Variants in CCDC66 observed in about 807,000 individuals in gnomAD.
CCDC66 encodes coiled-coil domain containing 66, also known as coiled-coil domain-containing protein 66.
Under a neutral mutation model 128.3 loss-of-function variants are expected in CCDC66, and 133 were observed. The observed-to-expected ratio is 1.04, with a 90% CI of 0.90 to 1.20. The LOEUF is 1.20. Ranked by LOEUF, CCDC66 falls within the 50% of genes most tolerant of loss-of-function variation. The pLI is 0.00. For missense variants in CCDC66, 1,126 were observed against 1,075.5 expected (o/e 1.05, Z -0.66); for synonymous variants, 387 against 357.0 (o/e 1.08, Z -0.95).
chr3:56,558,602 G>A (rs2064688336), intron 1 of CCDC66: 1 of 454,200 alleles, frequency 2.2e-6, no homozygotes, highest in Admixed American at 3.9e-5. Context: ...ATAACAAAAT[G>A]AGATTTCAGG....
chr3:56,586,050 C>T (rs2069647731), intron 7 of CCDC66, among the ~76,000 whole-genome samples: 1 of 151,816 alleles, frequency 6.6e-6, no homozygotes, highest in Admixed American at 6.6e-5. Flanking sequence ...ACACAAAAAG[C>T]AGAATGGTGG....
Position 56,557,214 on chromosome 3 carries a change from G to A in CCDC66, c.-29G>A. On this transcript the variant is annotated 5_prime_UTR_variant, in exon 1 of 18. Coordinates refer to ENST00000394672, the MANE Select transcript of CCDC66 (RefSeq NM_001141947.3). ...ACCGACGTACACAAGGGGCTTGAGC[G>A]TTCTGTGGAGAGAGTGCGAGGTCAG... is the stretch of plus-strand genomic sequence containing the variant. The A allele has an allele frequency of 6.4e-7, 1 of 1,551,264 alleles. No homozygotes were observed. The highest frequency in any genetic ancestry group is 8.7e-7 in the Non-Finnish European group (1 of 1,146,974).
intron 15 of CCDC66, 103 bp downstream of exon 15, chr3:56,618,315 CA>C (rs752530949): frequency 9.6e-7 from 1 of 1,042,566 alleles, no homozygotes; most frequent in Non-Finnish European, 1.5e-6. Context: ...ATGTAGAGAA[CA>C]ATCAGAAAGG....
chr3:56,620,526 A>AAAG (rs1478743316), intron 17 of CCDC66: 5 of 152,312 alleles, frequency 3.3e-5, no homozygotes, highest in African/African-American at 1.2e-4. Context: ...GCTGTGTTTA[A>AAAG]AAGTGCCCTT....
rs532567319 is a variant in CCDC66 at position 56,583,696 on chromosome 3, T to A, written c.937-9274T>A. Among the ~76,000 whole-genome samples, 4 of 152,040 alleles carry A rather than the reference T, an allele frequency of 2.6e-5. No homozygotes were observed. The South Asian group carries it at 6.2e-4, about 24-fold the overall frequency. ...CAAAATGGAGTCTCCTATGTCTACT[T>A]CTTTCTACACAGACACAGCAACAAT... On this transcript the variant is annotated intron_variant, in intron 7 of 17. Coordinates refer to ENST00000394672, the MANE Select transcript of CCDC66 (RefSeq NM_001141947.3).
chr3:56,617,254 A>T lies in CCDC66; in HGVS notation c.1986A>T (p.Leu662=). 1 of 1,614,090 alleles carries T rather than the reference A, an allele frequency of 6.2e-7. No homozygotes were observed. Among genetic ancestry groups the T allele is most frequent in the Non-Finnish European group, 8.5e-7 (1 of 1,179,994 alleles). ...GCACCAAGAAAAACAAGCAAGAACT[A>T]ACTCAGGATAAAGGAGCCAGCTTAG... ...QFSTKKNKQE[L]TQDKGASLEK... Residue 662 remains leucine (L), a synonymous_variant, in exon 14 of 18, where the codon CTA becomes CTT. Transcript: ENST00000394672.
At chr3:56,615,365 C>G in intron 12 of CCDC66, 93 bp downstream of exon 12, 1 of 1,286,194 alleles carries the variant, frequency 7.8e-7, no homozygotes, top group South Asian at 1.6e-5. Context: ...AGGACTCATT[C>G]TGTTGCACAG....
chr3:56,617,400 G>A lies in CCDC66; in HGVS notation c.2132G>A (p.Arg711Lys). Reference protein sequence around the residue: ...PDWNINKPPKRYIPASEKYPK... With the variant: ...PDWNINKPPKKYIPASEKYPK... Reference sequence around the variant, plus strand: ...TGGAATATAAATAAGCCACCTAAAAGGTATATTCCAGCATCAGAAAAGTAC... The same window carrying A: ...TGGAATATAAATAAGCCACCTAAAAAGTATATTCCAGCATCAGAAAAGTAC... Residue 711 changes from arginine (R) to lysine (K), a missense_variant, in exon 14 of 18, where the codon AGG becomes AAG. Arg to Lys is a conservative substitution (Grantham distance 26, BLOSUM62 2). Transcript: ENST00000394672. 6.2e-7 allele frequency: 1 copy of A among 1,613,828 alleles called. No homozygotes were observed. Among genetic ancestry groups the A allele is most frequent in the Non-Finnish European group, 8.5e-7 (1 of 1,179,942 alleles).
At chr3:56,590,097 T>G (rs958793995) in intron 7 of CCDC66, among the ~76,000 whole-genome samples, 1 of 152,236 alleles carries the variant, frequency 6.6e-6, no homozygotes, top group African/African-American at 2.4e-5. Flanking sequence ...GAATACCTTT[T>G]CTGCGTGGCC....
chr3:56,616,896 G>A lies in CCDC66; in HGVS notation c.1844-216G>A, dbSNP rs1578042971. 7.0e-6 allele frequency: 3 copies of A among 426,368 alleles called. No individual in the cohort carries two copies. The East Asian group carries it at 1.1e-4, about 15-fold the overall frequency. 26.4% of individuals were successfully genotyped at this position (426,368 alleles called of 1,614,324 possible). A position where few individuals can be genotyped will look rare whatever the true frequency, so the allele number is the denominator to read the frequency against. The stretch of plus-strand genomic sequence containing the variant: ...CTGATGATGTTGAGCATCTTTTCAT[G>A]ATTATCAGTTCATAGAAATGGAAAT... On this transcript the variant is annotated intron_variant, in intron 13 of 17. Transcript: ENST00000394672.
At chr3:56,591,313 T>G (rs1424954279) in intron 7 of CCDC66, among the ~76,000 whole-genome samples, 1 of 152,226 alleles carries the variant, frequency 6.6e-6, no homozygotes, top group Non-Finnish European at 1.5e-5. Flanking sequence ...TTTTAACTTT[T>G]GTCTAATCCC....
At chr3:56,606,550 T>C (rs2074093798) in intron 10 of CCDC66, among the ~76,000 whole-genome samples, 2 of 152,060 alleles carry the variant, frequency 1.3e-5, no homozygotes, top group African/African-American at 4.8e-5. Flanking sequence ...CCTGACCCTT[T>C]GCACTTTCTG....
chr3:56,562,846 C>G (rs917888877), intron 3 of CCDC66, among the ~76,000 whole-genome samples: 2 of 150,984 alleles, frequency 1.3e-5, no homozygotes, highest in African/African-American at 4.9e-5. Flanking sequence ...GGTGTTTTAC[C>G]TTGTTGGCCA....
At chr3:56,558,818 G>T in intron 1 of CCDC66, 28 bp from the exon 2 acceptor site, 1 of 1,477,912 alleles carries the variant, frequency 6.8e-7, no homozygotes, top group South Asian at 1.2e-5. Flanking sequence ...TGTTAAAAAT[G>T]AGAGACAACT....
chr3:56,617,924 A>T (rs868799782), intron 14 of CCDC66: 107 of 576,844 alleles, frequency 1.9e-4, no homozygotes, highest in Middle Eastern at 9.2e-4. Context: ...CTGTAGATGG[A>T]TGCTGTGTAT....
intron 7 of CCDC66, among the ~76,000 whole-genome samples, chr3:56,585,530 A>C (rs1237604293): frequency 1.3e-5 from 2 of 151,850 alleles, no homozygotes; most frequent in Non-Finnish European, 2.9e-5. Flanking sequence ...AACTTTCTAG[A>C]TCCAGAAGAA....
chr3:56,616,978 G>C (rs1266468183), intron 13 of CCDC66, 134 bp from the exon 14 acceptor site: 2 of 694,026 alleles, frequency 2.9e-6, no homozygotes, highest in Non-Finnish European at 4.6e-6. Flanking sequence ...TGAGTATAGA[G>C]GTTCGGTTTT....
Position 56,618,177 on chromosome 3 carries a change from A to G in CCDC66, c.2343A>G (p.Glu781=). The change falls in exon 15 of 18, where the codon GAA becomes GAG. Residue 781 remains glutamate (E), a synonymous_variant. Transcript: ENST00000394672. ...TTTATCTATCCATATTTTAGGAAGA[A>G]GAGCCTCTGAATATTCATTCATTCA... ...KLRWHLVKKE[E]EPLNIHSFSK... 4 of 1,611,976 alleles carry G rather than the reference A, an allele frequency of 2.5e-6. No individual in the cohort carries two copies. Among genetic ancestry groups the G allele is most frequent in the Non-Finnish European group, 3.4e-6 (4 of 1,178,098 alleles).
intron 10 of CCDC66, among the ~76,000 whole-genome samples, chr3:56,603,923 G>A (rs768708587): frequency 9.2e-5 from 14 of 152,068 alleles, no homozygotes; most frequent in South Asian, 2.1e-4. Flanking sequence ...GGGAGTCTAA[G>A]TCTCTTTGTA....
Sources: allele counts gnomAD v4.1 joint callset (sites outside exome capture counted in the v4.1 genomes callset), GRCh38; gene constraint gnomAD v4.1.1; transcripts MANE v1.5; gene names NCBI Gene and HGNC (gene_info 2026-07-23, HGNC 2026-07-21).